YIPF4: variants seen among roughly 807,000 people sequenced by gnomAD.
YIPF4 encodes the protein Yip1 domain family member 4.
A neutral mutation model predicts 29.4 loss-of-function variants in YIPF4; 18 were observed. The ratio of observed to expected loss-of-function variants is 0.61; its 90% CI spans 0.42 to 0.91. The LOEUF is 0.91. Among genes scored for constraint, YIPF4 ranks in the 40% least tolerant of loss-of-function variants. The pLI is 0.00. For synonymous variants in YIPF4, 115 were observed against 104.7 expected, an observed-to-expected ratio of 1.10 and a Z score of -0.60; for missense variants, 279 against 282.7, an observed-to-expected ratio of 0.99 and a Z score of 0.09.
At position 32,278,162 on chromosome 2, in the gene YIPF4, C is replaced by T; in HGVS notation, c.7C>T (p.Pro3Ser). The stretch of plus-strand genomic sequence containing the variant: ...GGTTGGGAGTCGCCGCGAGATGCAG[C>T]CTCCGGGCCCGCCCCCGGCCTATGC... The part of the protein sequence containing the change: MQ[P>S]PGPPPAYAPT... The change falls in exon 1 of 6, where the codon CCT becomes TCT. Residue 3 changes from proline to serine, a missense_variant. Coordinates refer to ENST00000238831, the MANE Select transcript of YIPF4 (RefSeq NM_032312.4). 3 of 1,562,646 alleles carry T rather than the reference C, an allele frequency of 1.9e-6. No individual in the cohort carries two copies. The highest frequency in any genetic ancestry group is 1.4e-5 in the African/African-American group (1 of 72,800).
intron 4 of YIPF4, among the ~76,000 whole-genome samples, chr2:32,300,927 A>G (rs1377834611): frequency 6.6e-6 from 1 of 152,216 alleles, no homozygotes; most frequent in African/African-American, 2.4e-5. Flanking sequence ...AGTAGTCACT[A>G]AAAAATATTT....
chr2:32,295,043 A>G lies in YIPF4; in HGVS notation c.405+2695A>G, dbSNP rs1234882607. On this transcript the variant is annotated intron_variant, in intron 3 of 5. Coordinates refer to ENST00000238831, the MANE Select transcript of YIPF4 (RefSeq NM_032312.4). ...TACAGTCCAGCTTCGGCTCGGCATC[A>G]GAGGGAGAGGGGGAGGGGGAGGGGG... 3.0e-5 allele frequency among the ~76,000 whole-genome samples: 4 copies of G among 131,406 alleles called. No individual in the cohort carries two copies. The East Asian group carries it at 8.2e-4, about 27-fold the overall frequency. The allele number at this position is 131,406 out of a possible 152,430, so 86.2% of individuals were successfully genotyped here.
intron 3 of YIPF4, among the ~76,000 whole-genome samples, chr2:32,294,946 A>G (rs1171542842): frequency 1.3e-5 from 2 of 151,888 alleles, no homozygotes; most frequent in Non-Finnish European, 2.9e-5. Flanking sequence ...GTGCGCCTGC[A>G]ATGGCAGGCA....
Position 32,313,221 on chromosome 2 carries a change from ACT to A in YIPF4, c.*7598_*7599del, listed in dbSNP as rs1237810613. On this transcript the variant is annotated 3_prime_UTR_variant, in exon 6 of 6. Coordinates refer to ENST00000238831, the MANE Select transcript of YIPF4 (RefSeq NM_032312.4). ...TAACTAGGCAAAGAAGGTAGGGAAG[ACT>A]CTTTCAGATAGAATCGCAGTTTGTG... is the stretch of plus-strand genomic sequence containing the variant. 1 of 152,120 alleles carries A rather than the reference ACT, an allele frequency of 6.6e-6. No homozygotes were observed. The highest frequency in any genetic ancestry group is 6.6e-5 in the Admixed American group (1 of 15,250). 9.4% of individuals were successfully genotyped at this position (152,120 alleles called of 1,614,324 possible).
rs1297676208 is a variant in YIPF4, at chr2:32,294,213, A to G, written c.405+1865A>G. Among the ~76,000 whole-genome samples, 6 of 147,900 alleles carry G rather than the reference A, an allele frequency of 4.1e-5. No individual in the cohort carries two copies. In the East Asian group the frequency reaches 8.2e-4, roughly 20 times the overall value. On this transcript the variant is annotated intron_variant, in intron 3 of 5. Coordinates refer to ENST00000238831, the MANE Select transcript of YIPF4 (RefSeq NM_032312.4). ...GACGGGGTGGCTGCCAGGCAGAGAC[A>G]CTCCTCACTTCCCAGACGGGGTGGC...
At chr2:32,282,110 A>G (rs1390427414) in intron 1 of YIPF4, among the ~76,000 whole-genome samples, 2 of 151,756 alleles carry the variant, frequency 1.3e-5, no homozygotes, top group South Asian at 2.1e-4. Flanking sequence ...AGGTTTAGCA[A>G]TTTTCACATG....
At chr2:32,280,149 G>T (rs988368432) in intron 1 of YIPF4, among the ~76,000 whole-genome samples, 4 of 149,778 alleles carry the variant, frequency 2.7e-5, no homozygotes, top group Admixed American at 1.3e-4. Flanking sequence ...TTTTTTTGAG[G>T]CGGAGTCTCA....
chr2:32,295,925 AATTGTTACTAC>A (rs1177090661), intron 3 of YIPF4, among the ~76,000 whole-genome samples: 8 of 152,292 alleles, frequency 5.3e-5, no homozygotes, highest in African/African-American at 1.9e-4. Flanking sequence ...TTTTAAGGAC[AATTGTTACTAC>A]ATTTAGGGCC....
At chr2:32,280,539 C>T (rs952859013) in intron 1 of YIPF4, among the ~76,000 whole-genome samples, 1 of 151,232 alleles carries the variant, frequency 6.6e-6, no homozygotes, top group Admixed American at 6.6e-5. Flanking sequence ...GCACCACGCG[C>T]GGCTAATTTT....
intron 5 of YIPF4, among the ~76,000 whole-genome samples, chr2:32,304,139 T>G (rs796647580): frequency 2.0e-5 from 3 of 152,348 alleles, no homozygotes; most frequent in South Asian, 4.1e-4. Context: ...TCCTGATCAT[T>G]TAATCTTCTG....
rs2031634446 is a variant in YIPF4 at position 32,308,091 on chromosome 2, C to T, written c.*2465C>T. ...TAACTAATTTTTTAAATAATGATTT[C>T]CAATCTAATTATTAATTAGAATTTT... On this transcript the variant is annotated 3_prime_UTR_variant, in exon 6 of 6. Transcript: ENST00000238831. The T allele has an allele frequency of 1.3e-5, 2 of 151,774 alleles. No individual in the cohort carries two copies. The highest frequency in any genetic ancestry group is 2.9e-5 in the Non-Finnish European group (2 of 67,958). 9.4% of individuals were successfully genotyped at this position (151,774 alleles called of 1,614,324 possible). A position where few individuals can be genotyped will look rare whatever the true frequency, so the allele number is the denominator to read the frequency against.
At position 32,280,671 on chromosome 2, in the gene YIPF4, C is replaced by T. The variant is rs186825033; in HGVS notation, c.79+2437C>T. ...TGCTGGGATTACAGGCGTGAGCCAC[C>T]GCGCCCGGCCTAATTTTTGAACATT... On this transcript the variant is annotated intron_variant, in intron 1 of 5. Coordinates refer to ENST00000238831, the MANE Select transcript of YIPF4 (RefSeq NM_032312.4). Among the ~76,000 whole-genome samples the T allele has an allele frequency of 2.4e-4, 37 of 152,188 alleles. No homozygotes were observed. The East Asian group carries it at 3.5e-3, about 14-fold the overall frequency.
At chr2:32,278,338 A>C (rs1000733871) in intron 1 of YIPF4, 104 bp downstream of exon 1, 2 of 1,186,110 alleles carry the variant, frequency 1.7e-6, no homozygotes, top group African/African-American at 1.6e-5. Flanking sequence ...GGGGACAGGC[A>C]GGAAGCTGAC....
rs2031559080 is a variant in YIPF4 at position 32,305,718 on chromosome 2, C to G, written c.*92C>G. On this transcript the variant is annotated 3_prime_UTR_variant, in exon 6 of 6. Coordinates refer to ENST00000238831, the MANE Select transcript of YIPF4 (RefSeq NM_032312.4). ...AGGAATTGGAGAAAACCTGTTGCTG[C>G]AAAATTTTACATGTTCCAGATGGAA... 4 of 1,309,772 alleles carry G rather than the reference C, an allele frequency of 3.1e-6. No homozygotes were observed. Among genetic ancestry groups the G allele is most frequent in the Non-Finnish European group, 3.9e-6 (4 of 1,028,084 alleles). The allele number at this position is 1,309,772 out of a possible 1,614,324, so 81.1% of individuals were successfully genotyped here.
At chr2:32,283,202 G>T (rs897838231) in intron 1 of YIPF4, among the ~76,000 whole-genome samples, 2 of 151,808 alleles carry the variant, frequency 1.3e-5, no homozygotes, top group African/African-American at 4.8e-5. Context: ...TTGGGTTTCA[G>T]TGTTAACTGA....
rs1439005964 is a variant in YIPF4, at chr2:32,278,195, A to G, written c.40A>G (p.Asn14Asp). ...CCCGCCCCCGGCCTATGCCCCCACT[A>G]ACGGGGACTTCACCTTTGTCTCCTC... is the stretch of plus-strand genomic sequence containing the variant. ...PGPPPAYAPT[N>D]GDFTFVSSAD... Residue 14 changes from asparagine to aspartate, a missense_variant, in exon 1 of 6, where the codon AAC becomes GAC. Asn to Asp is a conservative substitution (Grantham distance 23). Transcript: ENST00000238831. 3 of 1,574,278 alleles carry G rather than the reference A, an allele frequency of 1.9e-6. No individual in the cohort carries two copies. The highest frequency in any genetic ancestry group is 2.6e-6 in the Non-Finnish European group (3 of 1,160,654).
At chr2:32,301,618 T>C in intron 5 of YIPF4, 123 bp downstream of exon 5, 1 of 591,298 alleles carries the variant, frequency 1.7e-6, no homozygotes, top group Non-Finnish European at 2.8e-6. Context: ...ATTTTGGAAG[T>C]GACCTTCCTT....
At chr2:32,302,606 A>T (rs1341988131) in intron 5 of YIPF4, among the ~76,000 whole-genome samples, 4 of 152,168 alleles carry the variant, frequency 2.6e-5, no homozygotes, top group African/African-American at 4.8e-5. Flanking sequence ...TAAAAGTATT[A>T]ATAAATAGTA....
At chr2:32,298,109 C>G in intron 3 of YIPF4, 125 bp from the exon 4 acceptor site, 1 of 661,766 alleles carries the variant, frequency 1.5e-6, no homozygotes, top group East Asian at 2.8e-5. Context: ...TGAGAGCCCA[C>G]ATAATCTCTC....
Sources: gnomAD v4.1 joint callset for allele counts (sites outside exome capture counted in the v4.1 genomes callset) on GRCh38, gnomAD v4.1.1 for gene constraint, MANE v1.5 for transcripts, NCBI Gene and HGNC (gene_info 2026-07-23, HGNC 2026-07-21) for gene names.